The following COL24A1 variants were observed in gnomAD, a reference collection of about 807,000 sequenced individuals.
COL24A1 encodes the protein collagen alpha-1(XXIV) chain.
In COL24A1, 224 loss-of-function variants were observed where a neutral mutation model predicts 253.9. The observed-to-expected ratio is 0.88, with a 90% CI of 0.79 to 0.99. The LOEUF is 0.99. Among genes scored for constraint, COL24A1 ranks in the 50% least tolerant of loss-of-function variants. The pLI is 0.00. For missense variants in COL24A1, 2,131 were observed against 2,068.5 expected, an observed-to-expected ratio of 1.03 and a Z score of -0.59; for synonymous variants, 685 against 673.7, an observed-to-expected ratio of 1.02 and a Z score of -0.26.
intron 24 of COL24A1, among the ~76,000 whole-genome samples, chr1:85,934,281 A>G (rs1688062940): frequency 6.6e-6 from 1 of 152,220 alleles, no homozygotes; most frequent in African/African-American, 2.4e-5. Context: ...AAAAAGAGCC[A>G]AAGTAGACTG....
chr1:85,849,423 A>G lies in COL24A1; in HGVS notation c.3301-17T>C, dbSNP rs764145140. 331 of 1,589,384 alleles carry G rather than the reference A, an allele frequency of 2.1e-4. 2 individuals are homozygous for G. The highest frequency in any genetic ancestry group is 2.3e-5 in the Non-Finnish European group (27 of 1,159,582). ...TTCAGGTCCCTAAAATATTCAATAT[A>G]AAAAAGGAAATAAATGGTTAAAGAA... On this transcript the variant is annotated splice_polypyrimidine_tract_variant and intron_variant, in intron 37 of 59. Coordinates refer to ENST00000370571, the MANE Select transcript of COL24A1 (RefSeq NM_152890.7).
Position 85,995,521 on chromosome 1 carries a change from G to C in COL24A1, c.2311-7867C>G, listed in dbSNP as rs1217374701. ...AAATAAACTATTCTGGCCATTATTT[G>C]ATATTTAGGTTTGGATAATCCATAG... On this transcript the variant is annotated intron_variant, in intron 19 of 59. Coordinates refer to ENST00000370571, the MANE Select transcript of COL24A1 (RefSeq NM_152890.7). 2.0e-5 allele frequency among the ~76,000 whole-genome samples: 3 copies of C among 152,162 alleles called. No homozygotes were observed. In the East Asian group the frequency reaches 5.8e-4, roughly 29 times the overall value.
chr1:85,988,113 C>A (rs1002439588), intron 19 of COL24A1, among the ~76,000 whole-genome samples: 1 of 136,950 alleles, frequency 7.3e-6, no homozygotes, highest in East Asian at 2.2e-4. Flanking sequence ...AAAAAAAAAA[C>A]AGCACCCAAA....
At chr1:85,954,803 G>A (rs1197626104) in intron 24 of COL24A1, among the ~76,000 whole-genome samples, 2 of 152,096 alleles carry the variant, frequency 1.3e-5, no homozygotes, top group Non-Finnish European at 2.9e-5. Flanking sequence ...AGGAGGGGTC[G>A]ATGACATTCT....
intron 24 of COL24A1, among the ~76,000 whole-genome samples, chr1:85,952,075 T>C (rs943114932): frequency 3.3e-5 from 5 of 152,160 alleles, no homozygotes; most frequent in Non-Finnish European, 7.4e-5. Flanking sequence ...AAACAGAAGA[T>C]AGAGTCCAAA....
intron 2 of COL24A1, among the ~76,000 whole-genome samples, chr1:86,140,686 T>C (rs933814862): frequency 1.3e-5 from 2 of 152,232 alleles, no homozygotes; most frequent in African/African-American, 4.8e-5. Flanking sequence ...TTATGCATGG[T>C]GCAAGTCATT....
Position 85,804,735 on chromosome 1 carries a change from C to T in COL24A1, c.3951+12053G>A, listed in dbSNP as rs115464193. 4.8e-3 allele frequency among the ~76,000 whole-genome samples: 732 copies of T among 152,278 alleles called. 3 individuals are homozygous for T. The highest frequency in any genetic ancestry group is 0.017 in the African/African-American group (706 of 41,546). ...ACTCCCACAATTCAGTCATCTCCCA[C>T]CAGGTCCCTCCAACAACATGTGGGA... On this transcript the variant is annotated intron_variant, in intron 47 of 59. Transcript: ENST00000370571.
At chr1:85,993,639 T>C (rs1694507920) in intron 19 of COL24A1, among the ~76,000 whole-genome samples, 1 of 152,068 alleles carries the variant, frequency 6.6e-6, no homozygotes, top group African/African-American at 2.4e-5. Context: ...ATCTTGATCT[T>C]GGTGATGGTT....
intron 45 of COL24A1, among the ~76,000 whole-genome samples, chr1:85,820,456 A>G (rs1330809665): frequency 6.6e-6 from 1 of 152,202 alleles, no homozygotes; most frequent in Non-Finnish European, 1.5e-5. Context: ...ATAGCTGCAC[A>G]TGCCAGCATA....
intron 7 of COL24A1, among the ~76,000 whole-genome samples, chr1:86,065,501 T>C (rs1025656575): frequency 2.0e-5 from 3 of 152,176 alleles, no homozygotes; most frequent in African/African-American, 7.2e-5. Flanking sequence ...GGCAGCACCA[T>C]GCAGTCATGA....
intron 35 of COL24A1, among the ~76,000 whole-genome samples, chr1:85,871,181 G>T (rs1465431850): frequency 1.3e-5 from 2 of 152,032 alleles, no homozygotes; most frequent in African/African-American, 2.4e-5. Flanking sequence ...ACCAATAATA[G>T]GCTCTAAATT....
chr1:86,020,073 T>C (rs375318738), intron 18 of COL24A1, among the ~76,000 whole-genome samples: 27,885 of 140,064 alleles, frequency 0.2, 3,197 homozygotes, highest in African/African-American at 0.31. Context: ...TTTTTTTTTT[T>C]TTTTTTTTTT....
chr1:85,783,436 T>C, intron 51 of COL24A1, 60 bp downstream of exon 51: 2 of 1,409,180 alleles, frequency 1.4e-6, no homozygotes, highest in Non-Finnish European at 2.0e-6. Context: ...TTAGAGCTCT[T>C]AAGCCCTGCA....
chr1:85,838,923 A>C (rs1676305426), intron 42 of COL24A1, among the ~76,000 whole-genome samples: 1 of 152,188 alleles, frequency 6.6e-6, no homozygotes, highest in South Asian at 2.1e-4. Context: ...ATTTTCACCA[A>C]GTGTGGTGGC....
At chr1:85,924,698 A>T (rs1247159559) in intron 24 of COL24A1, among the ~76,000 whole-genome samples, 1 of 152,164 alleles carries the variant, frequency 6.6e-6, no homozygotes, top group Admixed American at 6.5e-5. Context: ...TTTATGACAA[A>T]CCCGCAGCCA....
intron 12 of COL24A1, among the ~76,000 whole-genome samples, chr1:86,045,461 C>T (rs1192144605): frequency 2.6e-5 from 4 of 151,918 alleles, no homozygotes; most frequent in Admixed American, 2.6e-4. Flanking sequence ...AGAAAACAAA[C>T]CACCTATTGT....
intron 19 of COL24A1, among the ~76,000 whole-genome samples, chr1:85,990,046 T>C (rs962981053): frequency 6.6e-6 from 1 of 152,330 alleles, no homozygotes; most frequent in Non-Finnish European, 1.5e-5. Flanking sequence ...ACTAGTACAA[T>C]GCCTGATACA....
At chr1:85,840,111 G>A (rs781044552) in intron 42 of COL24A1, among the ~76,000 whole-genome samples, 6 of 151,996 alleles carry the variant, frequency 3.9e-5, no homozygotes, top group African/African-American at 7.2e-5. Context: ...TGCCTGTCCC[G>A]TGTCTACTGG....
chr1:86,114,606 C>T (rs1571969156), intron 4 of COL24A1, among the ~76,000 whole-genome samples: 2 of 151,716 alleles, frequency 1.3e-5, no homozygotes, highest in East Asian at 3.9e-4. Flanking sequence ...TCTTAGGCCT[C>T]AAATGGACAA....
Sources: gnomAD v4.1 joint callset for allele counts (sites outside exome capture counted in the v4.1 genomes callset) on GRCh38, gnomAD v4.1.1 for gene constraint, MANE v1.5 for transcripts, NCBI Gene and HGNC (gene_info 2026-07-23, HGNC 2026-07-21) for gene names.